GSN: variants seen among roughly 807,000 people sequenced by gnomAD.
The protein encoded by GSN is gelsolin, also known as actin-depolymerizing factor.
GSN carries 56 observed loss-of-function variants against 85.7 expected under a neutral mutation model. The ratio of observed to expected loss-of-function variants is 0.65; its 90% CI spans 0.53 to 0.82. The LOEUF (loss-of-function observed/expected upper bound fraction) is 0.82. Ranked by LOEUF, GSN falls within the 40% of genes least tolerant of loss-of-function variation. The probability of loss-of-function intolerance (pLI) is 0.00; values close to 1 mark genes in which losing one functional copy is unlikely to be tolerated. For missense variants in GSN, 857 were observed against 979.8 expected (o/e 0.87, Z 1.67); for synonymous variants, 373 against 399.1 (o/e 0.93, Z 0.78).
intron 4 of GSN, 93 bp from the exon 5 acceptor site, chr9:121,310,591 A>G (rs1238761342): frequency 7.9e-7 from 1 of 1,261,020 alleles, no homozygotes; most frequent in Non-Finnish European, 1.1e-6. Flanking sequence ...TCCACAAGCC[A>G]GAATTTCCTT....
intron 4 of GSN, among the ~76,000 whole-genome samples, chr9:121,230,885 C>A (rs1055556435): frequency 3.9e-5 from 6 of 152,170 alleles, no homozygotes. Flanking sequence ...CCCTCTGTGA[C>A]CTAGGATAAG....
intron 12 of GSN, 25 bp downstream of exon 12, chr9:121,324,669 G>A (rs1271243699): frequency 8.5e-7 from 1 of 1,179,570 alleles, no homozygotes; most frequent in Non-Finnish European, 1.2e-6. Context: ...CCGCCTCTCT[G>A]GGCTGCAGCC....
At position 121,290,875 on chromosome 9, in the gene GSN, C is replaced by T. The variant is rs113576229; in HGVS notation, c.-10+9313C>T. ...TAATATAGAGAGAGACAGGGTCTCA[C>T]GACATTGTCCAGGTTGGTCTTGAAC... On this transcript the variant is annotated intron_variant, in intron 2 of 17. Transcript: ENST00000432226. Among the ~76,000 whole-genome samples, 569 of 151,900 alleles carry T rather than the reference C, an allele frequency of 3.7e-3. 6 individuals carry two copies. The highest frequency in any genetic ancestry group is 0.013 in the African/African-American group (543 of 41,414).
intron 6 of GSN, chr9:121,313,099 T>A (rs2061356215): frequency 6.5e-6 from 1 of 154,140 alleles, no homozygotes; most frequent in Admixed American, 6.4e-5. Context: ...TCTGCAGAGC[T>A]AAGGAGGGCA....
At chr9:121,295,013 G>A (rs2059073760) in intron 2 of GSN, among the ~76,000 whole-genome samples, 1 of 152,170 alleles carries the variant, frequency 6.6e-6, no homozygotes, top group South Asian at 2.1e-4. Context: ...GCCTTACACA[G>A]CCCAGACCTG....
intron 1 of GSN, among the ~76,000 whole-genome samples, chr9:121,275,106 T>C (rs2056508921): frequency 1.3e-5 from 2 of 152,230 alleles, no homozygotes; most frequent in Non-Finnish European, 2.9e-5. Flanking sequence ...TTTTATAGAA[T>C]AGAGTACAGC....
chr9:121,273,948 C>A (rs1018320323), intron 1 of GSN, among the ~76,000 whole-genome samples: 11 of 152,140 alleles, frequency 7.2e-5, no homozygotes, highest in Admixed American at 3.9e-4. Flanking sequence ...TCCATAAATA[C>A]AGAGAGAATA....
intron 1 of GSN, among the ~76,000 whole-genome samples, chr9:121,270,555 C>T (rs1373588206): frequency 6.6e-6 from 1 of 152,232 alleles, no homozygotes; most frequent in East Asian, 1.9e-4. Flanking sequence ...GCTAGACCTA[C>T]TGGAGAAGGT....
chr9:121,246,269 T>C (rs994756401), intron 5 of GSN, among the ~76,000 whole-genome samples: 1 of 152,180 alleles, frequency 6.6e-6, no homozygotes, highest in Non-Finnish European at 1.5e-5. Flanking sequence ...AAAAAGTTTT[T>C]TTTTTAAAAA....
chr9:121,242,692 G>A (rs1000337897), intron 5 of GSN, among the ~76,000 whole-genome samples: 30 of 152,194 alleles, frequency 2.0e-4, no homozygotes, highest in African/African-American at 6.5e-4. Flanking sequence ...TAATTGTTCA[G>A]GATCAGACAG....
chr9:121,235,377 T>C (rs1463717764), intron 5 of GSN, among the ~76,000 whole-genome samples: 2 of 152,236 alleles, frequency 1.3e-5, no homozygotes, highest in Admixed American at 6.5e-5. Context: ...AGCTTCAGCT[T>C]GTCCAAAGTC....
rs181799240 is a variant in GSN, at chr9:121,214,538, A to T, written c.-528+3671A>T. On this transcript the variant is annotated intron_variant, in intron 4 of 24. Transcript: ENST00000373823. Reference sequence around the variant, plus strand: ...TGTACAAAATATATTAATAATAAATACTAGTTTATCCTCTTTCATGAAGTA... The same window carrying T: ...TGTACAAAATATATTAATAATAAATTCTAGTTTATCCTCTTTCATGAAGTA... Among the ~76,000 whole-genome samples, 401 of 152,358 alleles carry T rather than the reference A, an allele frequency of 2.6e-3. 7 individuals carry two copies. The highest frequency in any genetic ancestry group is 1.4e-3 in the Non-Finnish European group (94 of 68,024).
At chr9:121,286,283 A>G in intron 2 of GSN, 1 of 767,500 alleles carries the variant, frequency 1.3e-6, no homozygotes, top group Non-Finnish European at 2.1e-6. Flanking sequence ...TCCTAGTTCA[A>G]CACCAGCCAG....
chr9:121,317,050 A>G, intron 7 of GSN, 36 bp from the exon 8 acceptor site: 1 of 1,613,660 alleles, frequency 6.2e-7, no homozygotes, highest in Non-Finnish European at 8.5e-7. Flanking sequence ...GGCCACAGAC[A>G]CTCATGTGCT....
intron 5 of GSN, among the ~76,000 whole-genome samples, chr9:121,243,587 G>A (rs1312079328): frequency 6.6e-6 from 1 of 152,074 alleles, no homozygotes; most frequent in Non-Finnish European, 1.5e-5. Flanking sequence ...TCATTTTTGA[G>A]GGGGGTGGGA....
At chr9:121,304,658 A>G (rs1289839960) in intron 4 of GSN, among the ~76,000 whole-genome samples, 1 of 152,260 alleles carries the variant, frequency 6.6e-6, no homozygotes, top group Non-Finnish European at 1.5e-5. Context: ...CATTGTTGCT[A>G]CACTATGGCA....
At chr9:121,323,371 GTTTTTTT>G (rs59056849) in intron 11 of GSN, among the ~76,000 whole-genome samples, 1 of 117,750 alleles carries the variant, frequency 8.5e-6, no homozygotes. Flanking sequence ...TCCCATTACC[GTTTTTTT>G]TTTTTTTTTT....
chr9:121,242,590 A>C (rs945932095), intron 5 of GSN, among the ~76,000 whole-genome samples: 3 of 152,202 alleles, frequency 2.0e-5, no homozygotes, highest in African/African-American at 7.2e-5. Flanking sequence ...AAATTGAGAA[A>C]TTTCTTTTTC....
At chr9:121,304,291 C>T (rs1588979249) in intron 4 of GSN, among the ~76,000 whole-genome samples, 1 of 152,218 alleles carries the variant, frequency 6.6e-6, no homozygotes, top group African/African-American at 2.4e-5. Context: ...GGCTGGATTC[C>T]CTGGAGCCCC....
Sources: allele counts gnomAD v4.1 joint callset (sites outside exome capture counted in the v4.1 genomes callset), GRCh38; gene constraint gnomAD v4.1.1; transcripts MANE v1.5; gene names NCBI Gene and HGNC (gene_info 2026-07-23, HGNC 2026-07-21).